EXOC4: variants seen among roughly 807,000 people sequenced by gnomAD.
EXOC4 encodes the protein exocyst complex component 4, also known as SEC8-like 1.
A neutral mutation model predicts 107.2 loss-of-function variants in EXOC4; 71 were observed. That is an observed-to-expected ratio of 0.66 (90% CI 0.55 to 0.81). The LOEUF (loss-of-function observed/expected upper bound fraction) is 0.81, where lower values mean the gene tolerates loss of function less well. Among genes scored for constraint, EXOC4 ranks in the 30% least tolerant of loss-of-function variants. The probability of loss-of-function intolerance (pLI) is 0.00; values close to 1 mark genes in which losing one functional copy is unlikely to be tolerated. For synonymous variants in EXOC4, 456 were observed against 441.2 expected (o/e 1.03, Z -0.42); for missense variants, 1,108 against 1,189.6 (o/e 0.93, Z 1.01).
At chr7:133,678,043 G>A (rs12113622) in intron 10 of EXOC4, among the ~76,000 whole-genome samples, 12,396 of 152,130 alleles carry the variant, frequency 0.081, 554 homozygotes, top group Middle Eastern at 0.13. Context: ...CTTTTAAAAA[G>A]TATGAACTTT....
At chr7:133,999,902 C>T (rs1563086158) in intron 15 of EXOC4, among the ~76,000 whole-genome samples, 1 of 152,134 alleles carries the variant, frequency 6.6e-6, no homozygotes, top group Non-Finnish European at 1.5e-5. Context: ...ATGCTTTAGT[C>T]ATTAATTTAC....
intron 14 of EXOC4, among the ~76,000 whole-genome samples, chr7:133,943,747 A>G (rs951477331): frequency 4.7e-5 from 7 of 150,068 alleles, no homozygotes; most frequent in Admixed American, 4.7e-4. Context: ...CAATTTGGTT[A>G]TTTGATTATT....
chr7:134,033,463 C>T (rs1411321229), intron 17 of EXOC4, among the ~76,000 whole-genome samples: 1 of 152,046 alleles, frequency 6.6e-6, no homozygotes, highest in East Asian at 1.9e-4. Context: ...AAAGAGAAAC[C>T]CACCTGTTAG....
intron 11 of EXOC4, 84 bp downstream of exon 11, chr7:133,817,628 A>G: frequency 1.0e-6 from 1 of 1,004,298 alleles, no homozygotes; most frequent in Non-Finnish European, 1.5e-6. Context: ...AAGAAGAATT[A>G]CCATCTGTTT....
chr7:133,468,752 A>G (rs931913200), intron 7 of EXOC4, among the ~76,000 whole-genome samples: 1 of 152,164 alleles, frequency 6.6e-6, no homozygotes, highest in African/African-American at 2.4e-5. Flanking sequence ...CAGGGATCAT[A>G]GCTGTCAGTT....
chr7:133,653,756 C>G (rs1436747710), intron 10 of EXOC4, among the ~76,000 whole-genome samples: 1 of 152,166 alleles, frequency 6.6e-6, no homozygotes, highest in African/African-American at 2.4e-5. Flanking sequence ...AAACAACTTT[C>G]CTATTTCTGA....
intron 9 of EXOC4, among the ~76,000 whole-genome samples, chr7:133,520,315 G>GGT (rs368102738): frequency 2.4e-4 from 36 of 151,688 alleles, no homozygotes; most frequent in Middle Eastern, 6.8e-3. Context: ...CTTGGGGTGG[G>GGT]GTGTGTGTGT....
intron 10 of EXOC4, among the ~76,000 whole-genome samples, chr7:133,747,483 T>G (rs897758978): frequency 1.3e-5 from 2 of 152,214 alleles, no homozygotes; most frequent in Non-Finnish European, 2.9e-5. Context: ...CTTGGCATGT[T>G]TAACTTGTGG....
rs1489769027 is a variant in EXOC4 at position 133,480,158 on chromosome 7, T to C, written c.1417+20T>C. ...TGCAAGGTGAGTGATTGAGCTTCTC[T>C]GGAAAAATTAATTTTCTGGAGGAGT... On this transcript the variant is annotated intron_variant, in intron 9 of 17. Transcript: ENST00000253861. 10 of 1,611,846 alleles carry C rather than the reference T, an allele frequency of 6.2e-6. No homozygotes were observed. The East Asian group carries it at 2.0e-4, about 32-fold the overall frequency.
intron 9 of EXOC4, among the ~76,000 whole-genome samples, chr7:133,613,609 A>T (rs1482266003): frequency 6.6e-6 from 1 of 152,106 alleles, no homozygotes; most frequent in African/African-American, 2.4e-5. Context: ...CATTACAAAA[A>T]AAAAAAAGAT....
At position 133,384,746 on chromosome 7, in the gene EXOC4, A is replaced by AC. The variant is rs1288328389; in HGVS notation, c.1182+9744_1182+9745insC. 1.3e-5 allele frequency among the ~76,000 whole-genome samples: 2 copies of AC among 150,638 alleles called. 1 individual carries two copies. The highest frequency in any genetic ancestry group is 4.2e-4 in the South Asian group (2 of 4,726). ...TTTTTAAGCGTATTTAAAAAAAAAA[A>AC]ACGTTTTCTGATTGTGGAAGCAATG... On this transcript the variant is annotated intron_variant, in intron 7 of 17. Transcript: ENST00000253861.
intron 14 of EXOC4, among the ~76,000 whole-genome samples, chr7:133,969,024 A>G (rs1801137959): frequency 6.6e-6 from 1 of 152,080 alleles, no homozygotes; most frequent in Non-Finnish European, 1.5e-5. Context: ...TATTTCTTAG[A>G]GGCTTTGATC....
At chr7:133,976,504 G>T (rs1161031414) in intron 14 of EXOC4, among the ~76,000 whole-genome samples, 1 of 152,174 alleles carries the variant, frequency 6.6e-6, no homozygotes, top group Non-Finnish European at 1.5e-5. Context: ...TCAAAACAGA[G>T]TGAAGAAGAA....
At chr7:133,598,402 A>G (rs1332060917) in intron 9 of EXOC4, among the ~76,000 whole-genome samples, 1 of 152,174 alleles carries the variant, frequency 6.6e-6, no homozygotes, top group African/African-American at 2.4e-5. Context: ...TGTTCTAGAG[A>G]CTGCAGAACT....
chr7:133,680,564 C>T (rs928466092), intron 10 of EXOC4, among the ~76,000 whole-genome samples: 4 of 152,170 alleles, frequency 2.6e-5, no homozygotes, highest in Non-Finnish European at 4.4e-5. Flanking sequence ...CTTCTGACTT[C>T]ATTTTCAAGC....
At chr7:133,541,891 A>T (rs1005750907) in intron 9 of EXOC4, among the ~76,000 whole-genome samples, 19 of 152,186 alleles carry the variant, frequency 1.2e-4, no homozygotes, top group African/African-American at 4.6e-4. Flanking sequence ...ACCCTGTGTC[A>T]TGAGTGAGGG....
intron 2 of EXOC4, among the ~76,000 whole-genome samples, chr7:133,276,143 C>G (rs1358525124): frequency 6.6e-6 from 1 of 151,998 alleles, no homozygotes; most frequent in Non-Finnish European, 1.5e-5. Context: ...TCTCTCTTCT[C>G]CTACCCCTCC....
chr7:133,933,878 C>T (rs990518932), intron 13 of EXOC4, among the ~76,000 whole-genome samples: 2 of 152,196 alleles, frequency 1.3e-5, no homozygotes, highest in Non-Finnish European at 2.9e-5. Flanking sequence ...TTTCTCTTCA[C>T]TAAAACGTGA....
intron 4 of EXOC4, among the ~76,000 whole-genome samples, chr7:133,314,556 C>T (rs1316564713): frequency 6.6e-6 from 1 of 152,194 alleles, no homozygotes; most frequent in African/African-American, 2.4e-5. Context: ...AGCTGTTTAT[C>T]ACCCTAAATT....
Sources: gnomAD v4.1 joint callset for allele counts (sites outside exome capture counted in the v4.1 genomes callset) on GRCh38, gnomAD v4.1.1 for gene constraint, MANE v1.5 for transcripts, NCBI Gene and HGNC (gene_info 2026-07-23, HGNC 2026-07-21) for gene names.